The following YTHDC2 variants were observed in gnomAD, a reference collection of about 807,000 sequenced individuals.
YTHDC2 encodes 3'-5' RNA helicase YTHDC2.
Under a neutral mutation model 174.9 loss-of-function variants are expected in YTHDC2, and 45 were observed. The observed-to-expected ratio is 0.26, with a 90% CI of 0.20 to 0.33. The LOEUF (loss-of-function observed/expected upper bound fraction) is 0.33, where lower values mean the gene tolerates loss of function less well. Ranked by LOEUF, YTHDC2 falls within the 10% of genes least tolerant of loss-of-function variation. YTHDC2 has a pLI of 1.00. For missense variants in YTHDC2, 1,650 were observed against 1,723.7 expected (o/e 0.96, Z 0.76); for synonymous variants, 657 against 574.5 (o/e 1.14, Z -2.05).
chr5:113,579,639 G>C lies in YTHDC2; in HGVS notation c.3298G>C (p.Ala1100Pro). ...SDSEMEDKTT[A>P]NLAALKLDEW... Reference sequence around the variant, plus strand: ...TAGTGAAATGGAGGACAAAACTACAGCTAATTTGGCAGCCTTGAAACTTGA... The same window carrying C: ...TAGTGAAATGGAGGACAAAACTACACCTAATTTGGCAGCCTTGAAACTTGA... The change falls in exon 24 of 30, where the codon GCT becomes CCT. Residue 1100 changes from alanine (A) to proline (P), a missense_variant. Ala to Pro is a conservative substitution (Grantham distance 27, BLOSUM62 -1). Around this residue, in one of 5 missense-constraint regions of YTHDC2, gnomAD observed 913 missense variants for 940.4 expected, o/e 0.97. Transcript: ENST00000161863. 1 of 1,610,890 alleles carries C rather than the reference G, an allele frequency of 6.2e-7. No homozygotes were observed. The highest frequency in any genetic ancestry group is 1.7e-5 in the Admixed American group (1 of 59,648).
Position 113,525,191 on chromosome 5 carries a change from G to C in YTHDC2, c.475+14G>C. 1 of 1,549,628 alleles carries C rather than the reference G, an allele frequency of 6.5e-7. No homozygotes were observed. Among genetic ancestry groups the C allele is most frequent in the South Asian group, 1.3e-5 (1 of 79,612 alleles). On this transcript the variant is annotated intron_variant, in intron 3 of 29. Coordinates refer to ENST00000161863, the MANE Select transcript of YTHDC2 (RefSeq NM_022828.5). The stretch of plus-strand genomic sequence containing the variant: ...CAGTTGAAGCTGGTATGTATTTTCT[G>C]GGGAGCTTCCTCATTTACCCTATTA...
chr5:113,567,909 A>G, intron 23 of YTHDC2, 60 bp downstream of exon 23: 1 of 1,303,672 alleles, frequency 7.7e-7, no homozygotes, highest in Non-Finnish European at 1.0e-6. Flanking sequence ...TTACCAAATA[A>G]TGAAATTATT....
chr5:113,554,542 C>A (rs1281639262), intron 16 of YTHDC2, among the ~76,000 whole-genome samples: 3 of 151,490 alleles, frequency 2.0e-5, no homozygotes, highest in Non-Finnish European at 2.9e-5. Flanking sequence ...CATGGGATAA[C>A]CAGCAGCTAA....
chr5:113,557,658 G>A (rs1445666127), intron 17 of YTHDC2, among the ~76,000 whole-genome samples: 3 of 152,144 alleles, frequency 2.0e-5, no homozygotes, highest in Admixed American at 6.5e-5. Context: ...GCTAGGTGTG[G>A]TGGCACAGGC....
At chr5:113,522,953 T>A (rs533679584) in intron 2 of YTHDC2, among the ~76,000 whole-genome samples, 4 of 152,256 alleles carry the variant, frequency 2.6e-5, no homozygotes, top group Non-Finnish European at 5.9e-5. Flanking sequence ...AATGGCTAAG[T>A]AGTCCCACCT....
intron 10 of YTHDC2, among the ~76,000 whole-genome samples, chr5:113,544,274 G>T (rs1775695949): frequency 6.6e-6 from 1 of 152,060 alleles, no homozygotes; most frequent in African/African-American, 2.4e-5. Context: ...TCAGCCTCCT[G>T]AGTAGCTGGG....
intron 4 of YTHDC2, among the ~76,000 whole-genome samples, chr5:113,528,795 C>T (rs1171574008): frequency 6.6e-6 from 1 of 152,200 alleles, no homozygotes; most frequent in Non-Finnish European, 1.5e-5. Flanking sequence ...AGGCATAAGC[C>T]ACCATGCCTG....
chr5:113,541,985 T>C (rs961826192), intron 9 of YTHDC2, among the ~76,000 whole-genome samples: 21 of 152,108 alleles, frequency 1.4e-4, no homozygotes, highest in South Asian at 2.1e-4. Flanking sequence ...AACAAGAGAT[T>C]CTGATGCACT....
At chr5:113,520,039 T>A (rs1773756408) in intron 2 of YTHDC2, among the ~76,000 whole-genome samples, 2 of 152,170 alleles carry the variant, frequency 1.3e-5, no homozygotes, top group Non-Finnish European at 2.9e-5. Context: ...GTCCTAATGC[T>A]CTTCCTTTCC....
Position 113,593,590 on chromosome 5 carries a change from G to T in YTHDC2, c.*116G>T, listed in dbSNP as rs1462576842. The T allele has an allele frequency of 2.4e-6, 1 of 420,730 alleles. No homozygotes were observed. Among genetic ancestry groups the T allele is most frequent in the African/African-American group, 2.0e-5 (1 of 50,626 alleles). The allele number at this position is 420,730 out of a possible 1,614,324, so 26.1% of individuals were successfully genotyped here. On this transcript the variant is annotated 3_prime_UTR_variant, in exon 30 of 30. Transcript: ENST00000161863. ...ACGAATGGGCTTTTTAACACTTTTAGAGTGTTGCTTTAGAACTACCATCTT... is the reference window on the plus strand; with the variant it reads ...ACGAATGGGCTTTTTAACACTTTTATAGTGTTGCTTTAGAACTACCATCTT...
At chr5:113,580,253 G>T (rs1778315263) in intron 24 of YTHDC2, among the ~76,000 whole-genome samples, 1 of 152,028 alleles carries the variant, frequency 6.6e-6, no homozygotes, top group Admixed American at 6.6e-5. Context: ...TTTTGGAGGG[G>T]ACAAAAACTT....
At chr5:113,540,268 A>G (rs1331281291) in intron 8 of YTHDC2, among the ~76,000 whole-genome samples, 1 of 152,218 alleles carries the variant, frequency 6.6e-6, no homozygotes, top group African/African-American at 2.4e-5. Flanking sequence ...GGTTTTCTAC[A>G]AAGTGCTGTA....
Position 113,561,144 on chromosome 5 carries a change from T to C in YTHDC2, c.2281T>C (p.Leu761=). ...LFSRLRFQNM[L]EFQTPELLRM... ...CAGTAGACTCCGATTCCAGAATATG[T>C]TGGAATTTCAGACTCCGGAACTTTT... Residue 761 remains leucine (L), a synonymous_variant, in exon 18 of 30, where the codon TTG becomes CTG. Coordinates refer to ENST00000161863, the MANE Select transcript of YTHDC2 (RefSeq NM_022828.5). 4 of 1,613,256 alleles carry C rather than the reference T, an allele frequency of 2.5e-6. No individual in the cohort carries two copies. Among genetic ancestry groups the C allele is most frequent in the Non-Finnish European group, 3.4e-6 (4 of 1,179,510 alleles).
chr5:113,572,596 G>A (rs1777800294), intron 23 of YTHDC2, among the ~76,000 whole-genome samples: 1 of 152,190 alleles, frequency 6.6e-6, no homozygotes, highest in South Asian at 2.1e-4. Context: ...TTGTATGGGA[G>A]TCTAAATCTC....
intron 6 of YTHDC2, among the ~76,000 whole-genome samples, chr5:113,534,784 A>G (rs1378751317): frequency 6.6e-6 from 1 of 152,116 alleles, no homozygotes; most frequent in Non-Finnish European, 1.5e-5. Flanking sequence ...AATATCATAT[A>G]TTTCCCAATG....
rs745384763 is a variant in YTHDC2 at position 113,551,614 on chromosome 5, C to T, written c.1689-1567C>T. 1.2e-4 allele frequency among the ~76,000 whole-genome samples: 18 copies of T among 151,806 alleles called. No homozygotes were observed. The East Asian group carries it at 1.4e-3, about 11-fold the overall frequency. On this transcript the variant is annotated intron_variant, in intron 12 of 29. Coordinates refer to ENST00000161863, the MANE Select transcript of YTHDC2 (RefSeq NM_022828.5). ...CACACCAGGGCCTCTTGAGGGGTTC[C>T]GGGATAGGGGAGGGATAGCATTAGG...
Position 113,564,049 on chromosome 5 carries a change from A to G in YTHDC2, c.2633A>G (p.Gln878Arg), listed in dbSNP as rs774988717. 1 of 1,614,110 alleles carries G rather than the reference A, an allele frequency of 6.2e-7. No individual in the cohort carries two copies. The highest frequency in any genetic ancestry group is 1.1e-5 in the South Asian group (1 of 91,080). The change falls in exon 20 of 30, where the codon CAA (glutamine) becomes CGA (arginine). Residue 878 changes from glutamine to arginine, a missense_variant. This residue lies in a region of YTHDC2 where 913 missense variants were observed against 940.4 expected (regional missense o/e 0.97). Transcript: ENST00000161863. The stretch of plus-strand genomic sequence containing the variant: ...TTTGTACTACCTACTCAGGCCTCTC[A>G]AAAACGTGCAGCTATGCTTTGTAGG... ...DPFVLPTQAS[Q>R]KRAAMLCRKR...
At chr5:113,527,645 T>C (rs1041659060) in intron 4 of YTHDC2, among the ~76,000 whole-genome samples, 2 of 152,224 alleles carry the variant, frequency 1.3e-5, no homozygotes, top group Non-Finnish European at 2.9e-5. Context: ...GTATAAACTT[T>C]ACCAGTTTTT....
intron 23 of YTHDC2, among the ~76,000 whole-genome samples, chr5:113,577,983 C>A (rs1261076385): frequency 6.6e-6 from 1 of 152,120 alleles, no homozygotes; most frequent in Non-Finnish European, 1.5e-5. Flanking sequence ...ATATTACCTT[C>A]AGGTGGTAAT....
Sources: gnomAD v4.1 joint callset for allele counts (sites outside exome capture counted in the v4.1 genomes callset) on GRCh38, gnomAD v4.1.1 for gene constraint, gnomAD v4.1.1 regional missense constraint, MANE v1.5 for transcripts, NCBI Gene and HGNC (gene_info 2026-07-23, HGNC 2026-07-21) for gene names.